The following YPEL2 variants were observed in gnomAD, a reference collection of about 807,000 sequenced individuals.
YPEL2 encodes protein yippee-like 2.
YPEL2 carries 2 observed loss-of-function variants against 19.1 expected under a neutral mutation model. The ratio of observed to expected loss-of-function variants is 0.10; its 90% CI spans 0.04 to 0.33. The LOEUF (loss-of-function observed/expected upper bound fraction) is 0.33. Among genes scored for constraint, YPEL2 ranks in the 10% least tolerant of loss-of-function variants. The pLI, the probability that YPEL2 is intolerant of heterozygous loss-of-function variation, is 1.00. For missense variants in YPEL2, 66 were observed against 140.7 expected, an observed-to-expected ratio of 0.47 and a Z score of 2.68; for synonymous variants, 52 against 50.0, an observed-to-expected ratio of 1.04 and a Z score of -0.17.
At chr17:59,343,356 A>T (rs2047741004) in intron 1 of YPEL2, among the ~76,000 whole-genome samples, 1 of 151,794 alleles carries the variant, frequency 6.6e-6, no homozygotes, top group Non-Finnish European at 1.5e-5. Context: ...TGTAGACACT[A>T]CTGGGGGTGG....
chr17:59,380,968 C>T (rs1300002913), intron 2 of YPEL2, among the ~76,000 whole-genome samples: 1 of 152,196 alleles, frequency 6.6e-6, no homozygotes, highest in Non-Finnish European at 1.5e-5. Context: ...TTTGAAGAAC[C>T]AAGTAGGTTA....
At chr17:59,356,001 T>TA (rs1165264192) in intron 2 of YPEL2, 3 of 152,182 alleles carry the variant, frequency 2.0e-5, no homozygotes, top group Non-Finnish European at 4.4e-5. Flanking sequence ...CCCCCGGCGT[T>TA]AAATAATCTA....
At chr17:59,360,741 G>A (rs1437221912) in intron 2 of YPEL2, among the ~76,000 whole-genome samples, 1 of 23,286 alleles carries the variant, frequency 4.3e-5, no homozygotes, top group African/African-American at 5.9e-4. Context: ...TGGGGCTCGT[G>A]TAAAGTATAT....
chr17:59,345,798 T>C (rs1038931526), intron 1 of YPEL2, among the ~76,000 whole-genome samples: 3 of 152,198 alleles, frequency 2.0e-5, no homozygotes, highest in African/African-American at 7.2e-5. Flanking sequence ...TTATTGAGTA[T>C]TAGCCATGTG....
chr17:59,341,913 G>A (rs113628984), intron 1 of YPEL2, among the ~76,000 whole-genome samples: 6,715 of 152,266 alleles, frequency 0.044, 517 homozygotes, highest in African/African-American at 0.15. Context: ...CTGGATGACA[G>A]TTTAATAATT....
chr17:59,334,891 G>A (rs746819815), intron 1 of YPEL2, among the ~76,000 whole-genome samples: 5 of 151,850 alleles, frequency 3.3e-5, no homozygotes, highest in Non-Finnish European at 7.4e-5. Context: ...ACAAAAGGAT[G>A]GCAAGGGATA....
chr17:59,355,064 G>A (rs1478474587), intron 2 of YPEL2: 5 of 151,924 alleles, frequency 3.3e-5, no homozygotes, highest in African/African-American at 4.8e-5. Flanking sequence ...ATGCAAGGAA[G>A]CAGTGCCATG....
chr17:59,396,210 A>G (rs2048038610), intron 4 of YPEL2, among the ~76,000 whole-genome samples: 1 of 152,360 alleles, frequency 6.6e-6, no homozygotes, highest in East Asian at 1.9e-4. Flanking sequence ...AGATTTATAT[A>G]TATGTAAATT....
At chr17:59,361,194 T>G (rs2047838955) in intron 2 of YPEL2, among the ~76,000 whole-genome samples, 1 of 152,136 alleles carries the variant, frequency 6.6e-6, no homozygotes, top group Non-Finnish European at 1.5e-5. Context: ...TCTGAAGAGT[T>G]TCTGGTGTAT....
At chr17:59,341,004 C>T (rs1169724019) in intron 1 of YPEL2, among the ~76,000 whole-genome samples, 6 of 150,082 alleles carry the variant, frequency 4.0e-5, no homozygotes, top group East Asian at 4.1e-4. Context: ...CTTGAGCCAC[C>T]GCACCCGGCT....
chr17:59,351,531 G>A (rs1472513721), intron 1 of YPEL2, among the ~76,000 whole-genome samples: 4 of 152,138 alleles, frequency 2.6e-5, no homozygotes, highest in African/African-American at 9.7e-5. Flanking sequence ...TACCCAGAGT[G>A]TGCCCAGGGT....
At chr17:59,390,990 G>GAA (rs1297684003) in intron 4 of YPEL2, among the ~76,000 whole-genome samples, 1 of 152,194 alleles carries the variant, frequency 6.6e-6, no homozygotes, top group Non-Finnish European at 1.5e-5. Flanking sequence ...ATATGTCAGT[G>GAA]AAAATTAACT....
intron 2 of YPEL2, among the ~76,000 whole-genome samples, chr17:59,387,622 C>T (rs1363922236): frequency 6.6e-6 from 1 of 152,154 alleles, no homozygotes; most frequent in Admixed American, 6.6e-5. Context: ...GCTCTGGCTC[C>T]TGTTTCTCCT....
At chr17:59,371,443 G>A (rs1317067999) in intron 2 of YPEL2, among the ~76,000 whole-genome samples, 1 of 152,154 alleles carries the variant, frequency 6.6e-6, no homozygotes, top group African/African-American at 2.4e-5. Context: ...CATATGCTCC[G>A]GCTTTACCTT....
intron 1 of YPEL2, among the ~76,000 whole-genome samples, chr17:59,349,751 C>T (rs1371941155): frequency 2.6e-5 from 4 of 152,272 alleles, no homozygotes; most frequent in East Asian, 3.9e-4. Flanking sequence ...ACCTCCACCT[C>T]GCAGGTTCAG....
chr17:59,334,381 CTT>C (rs1403731075), intron 1 of YPEL2, among the ~76,000 whole-genome samples: 4 of 121,912 alleles, frequency 3.3e-5, no homozygotes, highest in Non-Finnish European at 5.5e-5. Context: ...GCAGGTGACT[CTT>C]TTTATTTGGG....
chr17:59,370,057 T>C (rs2047889111), intron 2 of YPEL2, among the ~76,000 whole-genome samples: 1 of 152,206 alleles, frequency 6.6e-6, no homozygotes. Flanking sequence ...ACCAGAATTT[T>C]TTTCTTTTTT....
intron 1 of YPEL2, among the ~76,000 whole-genome samples, chr17:59,352,231 C>G (rs2047791046): frequency 6.6e-6 from 1 of 152,144 alleles, no homozygotes; most frequent in Non-Finnish European, 1.5e-5. Flanking sequence ...GAAACACCAC[C>G]CCTATTAGTG....
At chr17:59,336,569 C>G (rs2047699685) in intron 1 of YPEL2, among the ~76,000 whole-genome samples, 1 of 152,160 alleles carries the variant, frequency 6.6e-6, no homozygotes, top group Non-Finnish European at 1.5e-5. Context: ...TAAAATGGTA[C>G]TAATAATAGT....
Sources: allele counts gnomAD v4.1 joint callset (sites outside exome capture counted in the v4.1 genomes callset), GRCh38; gene constraint gnomAD v4.1.1; transcripts MANE v1.5; gene names NCBI Gene and HGNC (gene_info 2026-07-23, HGNC 2026-07-21).